The following CDH8 variants were observed in gnomAD, a reference collection of about 807,000 sequenced individuals.
The protein encoded by CDH8 is cadherin-8.
Under a neutral mutation model 68.1 loss-of-function variants are expected in CDH8, and 17 were observed. The observed-to-expected ratio is 0.25, with a 90% CI of 0.17 to 0.37. CDH8 has a LOEUF of 0.37. CDH8 is among the 10% of genes least tolerant of loss of function. The pLI is 1.00. For missense variants in CDH8, 763 were observed against 999.3 expected (o/e 0.76, Z 3.19); for synonymous variants, 372 against 365.1 (o/e 1.02, Z -0.21).
At chr16:61,922,004 C>G (rs1045816357) in intron 2 of CDH8, among the ~76,000 whole-genome samples, 4 of 151,966 alleles carry the variant, frequency 2.6e-5, no homozygotes, top group African/African-American at 4.8e-5. Context: ...GCACTCCAGC[C>G]TGGGCGACAG....
Position 62,031,050 on chromosome 16 carries a change from T to C in CDH8, c.-200+5030A>G, listed in dbSNP as rs117390317. On this transcript the variant is annotated intron_variant, in intron 1 of 11. Transcript: ENST00000577390. ...TATTTTTTATACATTCTCAACAATG[T>C]ACAGACATTGAGTCACCCATGCAGC... is the stretch of plus-strand genomic sequence containing the variant. 4.5e-3 allele frequency among the ~76,000 whole-genome samples: 688 copies of C among 152,306 alleles called. 3 individuals are homozygous for C. Among genetic ancestry groups the C allele is most frequent in the Non-Finnish European group, 7.0e-3 (476 of 67,998 alleles).
chr16:61,675,386 G>A (rs958486166), intron 10 of CDH8, among the ~76,000 whole-genome samples: 18 of 147,268 alleles, frequency 1.2e-4, no homozygotes, highest in Non-Finnish European at 2.4e-4. Context: ...ACTCATAGGT[G>A]GGAATTGAAC....
rs1963234138 is a variant in CDH8 at position 61,647,666 on chromosome 16, G to T, written c.*5942C>A. On this transcript the variant is annotated 3_prime_UTR_variant, in exon 12 of 12. Transcript: ENST00000577390. ...CTAAATTGTCATGGTCCATCTTAGA[G>T]CATAATTGTTAAAATTTTCCTCTTA... 2 of 620,494 alleles carry T rather than the reference G, an allele frequency of 3.2e-6. No homozygotes were observed. Among genetic ancestry groups the T allele is most frequent in the Non-Finnish European group, 5.7e-6 (2 of 348,740 alleles). 38.4% of individuals were successfully genotyped at this position (620,494 alleles called of 1,614,324 possible).
At chr16:61,790,091 A>G (rs1961344219) in intron 7 of CDH8, among the ~76,000 whole-genome samples, 1 of 152,000 alleles carries the variant, frequency 6.6e-6, no homozygotes, top group Admixed American at 6.6e-5. Flanking sequence ...TTTTTATTCT[A>G]TAGTTAATGT....
intron 8 of CDH8, among the ~76,000 whole-genome samples, chr16:61,751,349 G>A (rs1241976008): frequency 8.7e-6 from 1 of 115,476 alleles, no homozygotes; most frequent in Non-Finnish European, 1.6e-5. Flanking sequence ...CTGAGGTTAA[G>A]TAGTTGGCAC....
intron 8 of CDH8, among the ~76,000 whole-genome samples, chr16:61,729,104 A>G (rs1159019953): frequency 6.6e-6 from 1 of 151,188 alleles, no homozygotes; most frequent in Non-Finnish European, 1.5e-5. Context: ...CAAAAAATCT[A>G]TGAAGTAGCT....
intron 9 of CDH8, 143 bp from the exon 10 acceptor site, chr16:61,714,101 T>A: frequency 1.5e-6 from 1 of 680,228 alleles, no homozygotes; most frequent in Non-Finnish European, 2.6e-6. Flanking sequence ...ATGGATGGTT[T>A]GTGCCAAGAA....
chr16:61,787,327 AAC>A (rs1203598572), intron 8 of CDH8, among the ~76,000 whole-genome samples: 1 of 147,198 alleles, frequency 6.8e-6, no homozygotes, highest in African/African-American at 2.6e-5. Context: ...GCAGCCAAAA[AAC>A]ACATGAAAAA....
intron 8 of CDH8, among the ~76,000 whole-genome samples, chr16:61,732,036 T>C (rs1959551727): frequency 6.6e-6 from 1 of 151,216 alleles, no homozygotes; most frequent in South Asian, 2.1e-4. Context: ...GAAGAAAGAA[T>C]TACTGAAAGT....
At chr16:61,742,770 G>A (rs1959911581) in intron 8 of CDH8, among the ~76,000 whole-genome samples, 1 of 152,048 alleles carries the variant, frequency 6.6e-6, no homozygotes. Flanking sequence ...CTCCTATCTT[G>A]TAAAATTCTC....
chr16:62,008,590 T>C (rs771629134), intron 2 of CDH8, among the ~76,000 whole-genome samples: 2 of 152,066 alleles, frequency 1.3e-5, no homozygotes. Flanking sequence ...AGCCTCCAAC[T>C]CCCGGGCTCA....
At chr16:61,782,312 C>T (rs1427321929) in intron 8 of CDH8, among the ~76,000 whole-genome samples, 1 of 152,130 alleles carries the variant, frequency 6.6e-6, no homozygotes. Flanking sequence ...CTTTCCGAGT[C>T]AAAGAAAGGG....
rs1318736144 is a variant in CDH8, at chr16:61,647,467, G to A, written c.*6141C>T. ...AGTTAAAGCAGAGTAACGTTGGAAA[G>A]GTGGGGGGGGTGATCCCAGTGACTC... On this transcript the variant is annotated 3_prime_UTR_variant, in exon 12 of 12. Transcript: ENST00000577390. 7.1e-6 allele frequency: 1 copy of A among 140,078 alleles called. No individual in the cohort carries two copies. Among genetic ancestry groups the A allele is most frequent in the East Asian group, 1.3e-4 (1 of 7,708 alleles). The allele number at this position is 140,078 out of a possible 1,614,324, so 8.7% of individuals were successfully genotyped here.
intron 2 of CDH8, among the ~76,000 whole-genome samples, chr16:61,973,389 A>G (rs564789339): frequency 6.6e-6 from 1 of 152,348 alleles, no homozygotes; most frequent in South Asian, 2.1e-4. Context: ...GTGTTAATCA[A>G]CTATTTATGT....
intron 7 of CDH8, among the ~76,000 whole-genome samples, chr16:61,808,332 G>A (rs533347483): frequency 9.9e-4 from 151 of 152,030 alleles, no homozygotes; most frequent in African/African-American, 3.4e-3. Flanking sequence ...GAGATCAGAA[G>A]AAGAAAATGA....
intron 8 of CDH8, among the ~76,000 whole-genome samples, chr16:61,757,970 T>C (rs1026555456): frequency 6.6e-6 from 1 of 152,202 alleles, no homozygotes. Flanking sequence ...TGAAGTAAGG[T>C]ACTGCTGTAA....
At chr16:61,799,184 TC>T (rs1179670918) in intron 7 of CDH8, among the ~76,000 whole-genome samples, 1 of 152,160 alleles carries the variant, frequency 6.6e-6, no homozygotes, top group Non-Finnish European at 1.5e-5. Flanking sequence ...AGAGAATCTT[TC>T]CCCTCCCTGA....
intron 10 of CDH8, among the ~76,000 whole-genome samples, chr16:61,704,078 AC>A: frequency 6.6e-6 from 1 of 152,128 alleles, no homozygotes; most frequent in East Asian, 1.9e-4. Flanking sequence ...ACTTCATGAA[AC>A]TTTTGTCTTT....
intron 2 of CDH8, among the ~76,000 whole-genome samples, chr16:62,001,104 A>G (rs555520996): frequency 1.4e-4 from 21 of 152,308 alleles, no homozygotes; most frequent in Middle Eastern, 3.4e-3. Context: ...TGAAGACACA[A>G]ATTAGGGGAA....
Sources: allele counts gnomAD v4.1 joint callset (sites outside exome capture counted in the v4.1 genomes callset), GRCh38; gene constraint gnomAD v4.1.1; transcripts MANE v1.5; gene names NCBI Gene and HGNC (gene_info 2026-07-23, HGNC 2026-07-21).